MICAL2: variants seen among roughly 807,000 people sequenced by gnomAD.
MICAL2 encodes the protein microtubule associated monooxygenase, calponin and LIM domain containing 2, also known as [F-actin]-monooxygenase MICAL2.
MICAL2 carries 77 observed loss-of-function variants against 127.3 expected under a neutral mutation model. That is an observed-to-expected ratio of 0.60 (90% CI 0.50 to 0.73). The LOEUF (loss-of-function observed/expected upper bound fraction) is 0.73. Among genes scored for constraint, MICAL2 ranks in the 30% least tolerant of loss-of-function variants. The pLI is 0.00. For missense variants in MICAL2, 1,351 were observed against 1,434.4 expected (o/e 0.94, Z 0.94); for synonymous variants, 570 against 551.1 (o/e 1.03, Z -0.48).
chr11:12,204,338 G>A lies in MICAL2; in HGVS notation c.353G>A (p.Arg118Lys), dbSNP rs1854399445. 6.2e-7 allele frequency: 1 copy of A among 1,614,108 alleles called. No individual in the cohort carries two copies. The highest frequency in any genetic ancestry group is 8.5e-7 in the Non-Finnish European group (1 of 1,179,970). Residue 118 changes from arginine to lysine, a missense_variant, in exon 4 of 28, where the codon AGG becomes AAG. Arg to Lys is a conservative substitution (Grantham distance 26). Transcript: ENST00000683283. Reference sequence around the variant, plus strand: ...GCCAAAGTGGTCGTGGTGGAGAAGAGGGACTCCTTCTCCCGGAACAACGTG... The same window carrying A: ...GCCAAAGTGGTCGTGGTGGAGAAGAAGGACTCCTTCTCCCGGAACAACGTG... Reference protein sequence around the residue: ...LGAKVVVVEKRDSFSRNNVLH... With the variant: ...LGAKVVVVEKKDSFSRNNVLH...
At chr11:12,249,115 C>T (rs959432858) in intron 21 of MICAL2, 69 bp from the exon 22 acceptor site, 7 of 1,601,280 alleles carry the variant, frequency 4.4e-6, no homozygotes, top group African/African-American at 1.3e-5. Flanking sequence ...TTCTCTTTCC[C>T]CAGTGGAAGA....
chr11:12,268,230 G>A (rs913245432), downstream of MICAL2, among the ~76,000 whole-genome samples: 3 of 152,226 alleles, frequency 2.0e-5, no homozygotes, highest in Admixed American at 6.5e-5. Flanking sequence ...TATGAGAAGG[G>A]AGTTTTGATT....
intron 3 of MICAL2, among the ~76,000 whole-genome samples, chr11:12,184,758 T>C (rs1039436362): frequency 2.6e-5 from 4 of 152,018 alleles, no homozygotes; most frequent in African/African-American, 9.7e-5. Context: ...TGACCCATAC[T>C]GAGCCCTACA....
At chr11:12,190,110 T>C (rs1858894996) in intron 3 of MICAL2, among the ~76,000 whole-genome samples, 1 of 152,164 alleles carries the variant, frequency 6.6e-6, no homozygotes, top group Non-Finnish European at 1.5e-5. Flanking sequence ...CTAACTTCTT[T>C]TGTGGCAGCT....
downstream of MICAL2, among the ~76,000 whole-genome samples, chr11:12,296,579 T>C (rs1219955068): frequency 6.7e-6 from 1 of 149,506 alleles, no homozygotes; most frequent in Admixed American, 6.6e-5. Context: ...ATTTAATGTG[T>C]TATGCATTTT....
chr11:12,160,264 G>A (rs1052022640), intron 2 of MICAL2, among the ~76,000 whole-genome samples: 2 of 152,170 alleles, frequency 1.3e-5, no homozygotes, highest in African/African-American at 4.8e-5. Flanking sequence ...CTTTGCATGT[G>A]CTGTTCTTCC....
intron 3 of MICAL2, among the ~76,000 whole-genome samples, chr11:12,173,112 G>C (rs182639038): frequency 8.5e-5 from 13 of 152,198 alleles, no homozygotes; most frequent in Middle Eastern, 3.4e-3. Flanking sequence ...AAGATAAACC[G>C]AGTCTATTAT....
At position 12,162,132 on chromosome 11, in the gene MICAL2, A is replaced by T; in HGVS notation, c.-24A>T. On this transcript the variant is annotated 5_prime_UTR_variant, in exon 3 of 28. Transcript: ENST00000683283. ...TGTTCACCTGTGTCCTCGCCGCACC[A>T]CTGCCGCACACGACTCCTGAACCAT... is the stretch of plus-strand genomic sequence containing the variant. The T allele has an allele frequency of 6.2e-7, 1 of 1,613,578 alleles. No individual in the cohort carries two copies. Among genetic ancestry groups the T allele is most frequent in the Non-Finnish European group, 8.5e-7 (1 of 1,179,890 alleles).
intron 3 of MICAL2, among the ~76,000 whole-genome samples, chr11:12,187,425 G>GGAGA (rs1279029833): frequency 1.3e-5 from 2 of 152,208 alleles, no homozygotes; most frequent in African/African-American, 4.8e-5. Context: ...CTTACAATGG[G>GGAGA]GAGAGCAACA....
chr11:12,143,456 T>C (rs955694834), intron 2 of MICAL2, among the ~76,000 whole-genome samples: 1 of 152,198 alleles, frequency 6.6e-6, no homozygotes, highest in African/African-American at 2.4e-5. Context: ...TCTCCAAATA[T>C]GAATTCTCCA....
At chr11:12,185,915 C>T (rs11022236) in intron 3 of MICAL2, among the ~76,000 whole-genome samples, 13,244 of 152,282 alleles carry the variant, frequency 0.087, 849 homozygotes, top group African/African-American at 0.18. Context: ...GGCTTTGAAA[C>T]TCTCTTTGCT....
At chr11:12,152,623 T>G (rs1458295525) in intron 2 of MICAL2, among the ~76,000 whole-genome samples, 1 of 152,024 alleles carries the variant, frequency 6.6e-6, no homozygotes, top group African/African-American at 2.4e-5. Context: ...AGTGTACCTG[T>G]GGTGAGAGTC....
At chr11:12,354,507 G>A (rs920286620) in intron 33 of MICAL2, among the ~76,000 whole-genome samples, 31 of 151,162 alleles carry the variant, frequency 2.1e-4, no homozygotes, top group Non-Finnish European at 4.3e-4. Context: ...GCGTGGTGGT[G>A]CACGCCTGTA....
intron 7 of MICAL2, among the ~76,000 whole-genome samples, chr11:12,215,955 C>T (rs572461656): frequency 5.3e-5 from 8 of 152,332 alleles, no homozygotes; most frequent in African/African-American, 1.9e-4. Context: ...CCGGCTCTAA[C>T]TTATACTGGC....
At position 12,242,237 on chromosome 11, in the gene MICAL2, G is replaced by A; in HGVS notation, c.2361G>A (p.Gly787=). 6 of 1,610,262 alleles carry A rather than the reference G, an allele frequency of 3.7e-6. No individual in the cohort carries two copies. Among genetic ancestry groups the A allele is most frequent in the East Asian group, 2.2e-5 (1 of 44,736 alleles). The change falls in exon 19 of 28, where the codon GGG becomes GGA. Residue 787 remains glycine (G), a synonymous_variant. Coordinates refer to ENST00000683283, the MANE Select transcript of MICAL2 (RefSeq NM_001282663.2). ...KRQFPSVVVT[G]HVLRELKQVS... ...AGTTCCCCTCTGTGGTCGTGACGGGGCACGTGCTCAGAGAGCTCAAGCAAG... is the reference window on the plus strand; with the variant it reads ...AGTTCCCCTCTGTGGTCGTGACGGGACACGTGCTCAGAGAGCTCAAGCAAG...
chr11:12,337,251 A>G (rs372838511), intron 32 of MICAL2, among the ~76,000 whole-genome samples: 5 of 152,148 alleles, frequency 3.3e-5, no homozygotes, highest in Non-Finnish European at 5.9e-5. Flanking sequence ...AGAGGTGTTT[A>G]TAGTATTCTC....
intron 15 of MICAL2, among the ~76,000 whole-genome samples, chr11:12,233,278 CT>C (rs1858555414): frequency 6.6e-6 from 1 of 152,220 alleles, no homozygotes; most frequent in African/African-American, 2.4e-5. Context: ...GATGGTTTTC[CT>C]GAGATCACAC....
At chr11:12,336,171 C>G (rs1311325543) in intron 32 of MICAL2, among the ~76,000 whole-genome samples, 2 of 152,144 alleles carry the variant, frequency 1.3e-5, no homozygotes, top group Admixed American at 6.5e-5. Flanking sequence ...CCCTTCACAT[C>G]CCTTGTAAGT....
intron 4 of MICAL2, among the ~76,000 whole-genome samples, chr11:12,205,313 T>G (rs1768412008): frequency 6.6e-6 from 1 of 152,192 alleles, no homozygotes; most frequent in South Asian, 2.1e-4. Context: ...AGCTGTTTTA[T>G]ATGCAGTTGA....
Sources: allele counts gnomAD v4.1 joint callset (sites outside exome capture counted in the v4.1 genomes callset), GRCh38; gene constraint gnomAD v4.1.1; transcripts MANE v1.5; gene names NCBI Gene and HGNC (gene_info 2026-07-23, HGNC 2026-07-21).